Variants in ERBB4 observed in about 807,000 individuals in gnomAD.
ERBB4 encodes the protein receptor tyrosine-protein kinase erbB-4.
In ERBB4, 42 loss-of-function variants were observed where a neutral mutation model predicts 158.0. The ratio of observed to expected loss-of-function variants is 0.27; its 90% CI spans 0.21 to 0.34. The LOEUF (loss-of-function observed/expected upper bound fraction) is 0.34, where lower values mean the gene tolerates loss of function less well. Among genes scored for constraint, ERBB4 ranks in the 10% least tolerant of loss-of-function variants. The pLI is 1.00. For missense variants in ERBB4, 1,333 were observed against 1,624.1 expected (o/e 0.82, Z 3.08); for synonymous variants, 583 against 558.7 (o/e 1.04, Z -0.61).
chr2:211,694,775 C>G (rs1388787319), intron 12 of ERBB4, among the ~76,000 whole-genome samples: 1 of 152,056 alleles, frequency 6.6e-6, no homozygotes, highest in Non-Finnish European at 1.5e-5. Flanking sequence ...CTCCCAGACC[C>G]AAAGGATGAT....
At chr2:211,866,246 A>G (rs1189186311) in intron 3 of ERBB4, among the ~76,000 whole-genome samples, 1 of 152,176 alleles carries the variant, frequency 6.6e-6, no homozygotes, top group Non-Finnish European at 1.5e-5. Flanking sequence ...GCGAGGCTCC[A>G]TCTCAAAATT....
chr2:211,589,618 G>C (rs2125789279), intron 19 of ERBB4, among the ~76,000 whole-genome samples: 1 of 152,198 alleles, frequency 6.6e-6, no homozygotes, highest in East Asian at 1.9e-4. Flanking sequence ...ACCTGATTAA[G>C]TATTGATAAT....
At chr2:211,622,020 A>G (rs1482379630) in intron 18 of ERBB4, among the ~76,000 whole-genome samples, 14 of 152,198 alleles carry the variant, frequency 9.2e-5, no homozygotes, top group Admixed American at 9.2e-4. Flanking sequence ...AATTTATGGC[A>G]TAGCTAAGTG....
intron 1 of ERBB4, among the ~76,000 whole-genome samples, chr2:212,415,587 C>G (rs930231278): frequency 2.2e-4 from 34 of 151,912 alleles, no homozygotes; most frequent in African/African-American, 7.7e-4. Context: ...AAACAAGAGA[C>G]TTTTCCAAAT....
At chr2:212,053,059 C>A (rs759520649) in intron 2 of ERBB4, among the ~76,000 whole-genome samples, 53 of 152,104 alleles carry the variant, frequency 3.5e-4, no homozygotes, top group Non-Finnish European at 5.9e-4. Flanking sequence ...TGGCTCATGC[C>A]TAAAGCCCAG....
intron 20 of ERBB4, among the ~76,000 whole-genome samples, chr2:211,525,382 T>C (rs890712809): frequency 2.6e-5 from 4 of 152,106 alleles, no homozygotes; most frequent in African/African-American, 7.2e-5. Context: ...GTGTTCTAAG[T>C]TGTAAGGCCT....
chr2:211,669,448 AG>A (rs1432173222), intron 14 of ERBB4, among the ~76,000 whole-genome samples: 1 of 151,980 alleles, frequency 6.6e-6, no homozygotes, highest in African/African-American at 2.4e-5. Flanking sequence ...CTGCCTCTCT[AG>A]CCTAAGTTTT....
intron 1 of ERBB4, among the ~76,000 whole-genome samples, chr2:212,180,942 C>A (rs910674903): frequency 6.6e-6 from 1 of 151,664 alleles, no homozygotes; most frequent in Non-Finnish European, 1.5e-5. Flanking sequence ...TACTTAACTC[C>A]TAGTAGTGCT....
At chr2:212,358,992 C>T (rs1425196797) in intron 1 of ERBB4, among the ~76,000 whole-genome samples, 1 of 151,736 alleles carries the variant, frequency 6.6e-6, no homozygotes, top group Non-Finnish European at 1.5e-5. Context: ...TCAGCTACAT[C>T]TCTGCACAAT....
At chr2:212,163,695 C>A (rs1208986045) in intron 1 of ERBB4, among the ~76,000 whole-genome samples, 1 of 152,008 alleles carries the variant, frequency 6.6e-6, no homozygotes, top group Non-Finnish European at 1.5e-5. Flanking sequence ...GCCAGTTATA[C>A]AAATAAGATT....
In ERBB4 at chr2:211,561,970, T is replaced by C; in HGVS notation, c.2420A>G (p.Tyr807Cys). The change falls in exon 20 of 28, where the codon TAT (tyrosine) becomes TGT (cysteine). Residue 807 changes from tyrosine (Y) to cysteine (C), a missense_variant. By Grantham distance (194) the Tyr-to-Cys change is radical. Around this residue, in one of 5 missense-constraint regions of ERBB4, gnomAD observed 314 missense variants for 437.6 expected, o/e 0.72. Transcript: ENST00000342788. ...QLMPHGCLLE[Y>C]VHEHKDNIGS... ...AATGTTATCCTTGTGCTCGTGGACA[T>C]ACTCCAACAGGCAGCCATGGGGCAT... 6.2e-7 allele frequency: 1 copy of C among 1,614,178 alleles called. No homozygotes were observed. Among genetic ancestry groups the C allele is most frequent in the Non-Finnish European group, 8.5e-7 (1 of 1,180,032 alleles).
At chr2:211,583,519 G>A (rs199981113) in intron 19 of ERBB4, among the ~76,000 whole-genome samples, 14 of 15,512 alleles carry the variant, frequency 9.0e-4, no homozygotes, top group African/African-American at 1.1e-3. Context: ...ATTTTCCCTA[G>A]ATAAATTACT....
intron 3 of ERBB4, among the ~76,000 whole-genome samples, chr2:211,840,387 T>C (rs12993811): frequency 0.22 from 33,062 of 152,016 alleles, 3,725 homozygotes; most frequent in South Asian, 0.32. Context: ...GTCTTGAATA[T>C]GTCTTTATTA....
chr2:211,998,838 C>T (rs1039364898), intron 2 of ERBB4, among the ~76,000 whole-genome samples: 2 of 151,690 alleles, frequency 1.3e-5, no homozygotes, highest in Non-Finnish European at 3.0e-5. Flanking sequence ...TACTGTGATG[C>T]ATTACAGAAT....
chr2:212,424,944 T>C (rs1027569800), intron 1 of ERBB4, among the ~76,000 whole-genome samples: 1 of 152,054 alleles, frequency 6.6e-6, no homozygotes, highest in African/African-American at 2.4e-5. Flanking sequence ...ATTTTAGTTA[T>C]ACATAAAGAA....
intron 9 of ERBB4, among the ~76,000 whole-genome samples, chr2:211,709,487 T>G (rs2073607541): frequency 6.6e-6 from 1 of 151,912 alleles, no homozygotes; most frequent in Admixed American, 6.6e-5. Context: ...CTTTTGGTGG[T>G]TTGCAATCTT....
chr2:212,460,451 G>A (rs112263557), intron 1 of ERBB4, among the ~76,000 whole-genome samples: 4,901 of 152,222 alleles, frequency 0.032, 132 homozygotes, highest in African/African-American at 0.076. Flanking sequence ...ATAGTGATAC[G>A]AATAATAAGG....
chr2:212,185,925 C>A (rs2082005545), intron 1 of ERBB4, among the ~76,000 whole-genome samples: 1 of 152,026 alleles, frequency 6.6e-6, no homozygotes. Flanking sequence ...ATAAAAATTT[C>A]TTAGGCAGTT....
chr2:211,857,384 T>C (rs2077898675), intron 3 of ERBB4, among the ~76,000 whole-genome samples: 1 of 152,152 alleles, frequency 6.6e-6, no homozygotes, highest in Non-Finnish European at 1.5e-5. Flanking sequence ...ATCCTGAAAT[T>C]CTGCTCCTAA....
Sources: gnomAD v4.1 joint callset for allele counts (sites outside exome capture counted in the v4.1 genomes callset) on GRCh38, gnomAD v4.1.1 for gene constraint, gnomAD v4.1.1 regional missense constraint, MANE v1.5 for transcripts, NCBI Gene and HGNC (gene_info 2026-07-23, HGNC 2026-07-21) for gene names.